Variants in CAMTA1 observed in about 807,000 individuals in gnomAD.
CAMTA1 encodes the protein calmodulin-binding transcription activator 1.
In CAMTA1, 27 loss-of-function variants were observed where a neutral mutation model predicts 170.9. The ratio of observed to expected loss-of-function variants is 0.16; its 90% CI spans 0.12 to 0.22. The LOEUF (loss-of-function observed/expected upper bound fraction) is 0.22, where lower values mean the gene tolerates loss of function less well. CAMTA1 is among the 10% of genes least tolerant of loss of function. CAMTA1 has a pLI of 1.00. For missense variants in CAMTA1, 1,619 were observed against 2,217.2 expected (o/e 0.73, Z 5.42); for synonymous variants, 833 against 891.5 (o/e 0.93, Z 1.17).
In CAMTA1 at chr1:7,007,717, T is replaced by C. The variant is rs1699210166; in HGVS notation, c.235-83587T>C. 6.6e-6 allele frequency among the ~76,000 whole-genome samples: 1 copy of C among 152,052 alleles called. No individual in the cohort carries two copies. Among genetic ancestry groups the C allele is most frequent in the Non-Finnish European group, 1.5e-5 (1 of 68,004 alleles). ...GACCCCCTGTGGGGCTCCCGGGGCG[T>C]CGCTTCTGCCTCTTCCAGTGCTTTC... On this transcript the variant is annotated intron_variant, in intron 3 of 22. Coordinates refer to ENST00000303635, the MANE Select transcript of CAMTA1 (RefSeq NM_015215.4). This position sits in a 1 kb window ranked among gnomAD's most constrained non-coding sequence, Gnocchi z 4.5.
At chr1:7,636,709 C>CA (rs34844874) in intron 6 of CAMTA1, among the ~76,000 whole-genome samples, 179 of 138,172 alleles carry the variant, frequency 1.3e-3, no homozygotes, top group East Asian at 2.1e-3. Context: ...AACTCCATCT[C>CA]AAAAAAAAAA....
chr1:7,486,253 T>A (rs1360945071), intron 6 of CAMTA1, among the ~76,000 whole-genome samples: 1 of 152,194 alleles, frequency 6.6e-6, no homozygotes, highest in Non-Finnish European at 1.5e-5. Flanking sequence ...TTCTGATTGG[T>A]AACGTTTGCC....
In CAMTA1 at chr1:7,634,693, C is replaced by T. The variant is rs1157714036; in HGVS notation, c.511-5707C>T. 6.6e-6 allele frequency among the ~76,000 whole-genome samples: 1 copy of T among 152,056 alleles called. No homozygotes were observed. On this transcript the variant is annotated intron_variant, in intron 6 of 22. Transcript: ENST00000303635. The surrounding 1 kb of genome is among the most constrained non-coding windows in gnomAD (Gnocchi z 6.2). ...GAGAGCTGGGACAGGCTGGGGCTGC[C>T]GGAGGAGGAAGGGGGCTCTAAGCAG...
chr1:6,845,141 C>T (rs187580552), intron 3 of CAMTA1, among the ~76,000 whole-genome samples: 12 of 152,192 alleles, frequency 7.9e-5, no homozygotes, highest in Admixed American at 1.3e-4. Flanking sequence ...GCTGCTAGAA[C>T]GGGACCACAA....
intron 5 of CAMTA1, among the ~76,000 whole-genome samples, chr1:7,373,461 A>T (rs1247337539): frequency 6.6e-6 from 1 of 152,130 alleles, no homozygotes; most frequent in Non-Finnish European, 1.5e-5. Flanking sequence ...GCTCCACCTC[A>T]GTCCACCGCC....
chr1:7,235,087 A>C (rs1207775683), intron 4 of CAMTA1, among the ~76,000 whole-genome samples: 2 of 151,990 alleles, frequency 1.3e-5, no homozygotes, highest in African/African-American at 4.8e-5. Flanking sequence ...ATGCCCAGCC[A>C]AAAATACAAA....
At chr1:6,790,795 C>T (rs1380943564) in intron 1 of CAMTA1, among the ~76,000 whole-genome samples, 1 of 151,910 alleles carries the variant, frequency 6.6e-6, no homozygotes, top group Admixed American at 6.6e-5. Context: ...TGTAAATTGC[C>T]TCAAATTCTT....
At chr1:7,606,375 ACACTCC>A (rs2095486813) in intron 6 of CAMTA1, among the ~76,000 whole-genome samples, 1 of 152,162 alleles carries the variant, frequency 6.6e-6, no homozygotes, top group Non-Finnish European at 1.5e-5. Context: ...GCAATGTGTG[ACACTCC>A]CTCTAGAGGC....
At chr1:7,310,678 TTC>T (rs70984069) in intron 5 of CAMTA1, among the ~76,000 whole-genome samples, 352 of 34,632 alleles carry the variant, frequency 0.01, 45 homozygotes, top group African/African-American at 0.045. Context: ...TTTCCTTTCT[TTC>T]TCTCTCTCTC....
At chr1:7,061,152 CTG>C (rs141824977) in intron 3 of CAMTA1, among the ~76,000 whole-genome samples, 3,451 of 152,292 alleles carry the variant, frequency 0.023, 58 homozygotes, top group Middle Eastern at 0.061. Context: ...TCCTCGGTCT[CTG>C]TATTTTGTCT....
intron 3 of CAMTA1, among the ~76,000 whole-genome samples, chr1:7,002,453 T>C (rs1698361994): frequency 6.6e-6 from 1 of 152,212 alleles, no homozygotes; most frequent in Non-Finnish European, 1.5e-5. Context: ...CATAAACCCA[T>C]TGAGGTCTGT....
intron 4 of CAMTA1, among the ~76,000 whole-genome samples, chr1:7,125,127 T>G (rs1418055214): frequency 6.6e-6 from 1 of 151,636 alleles, no homozygotes; most frequent in East Asian, 2.0e-4. Context: ...AAGCAACGCC[T>G]CTGCATCTAC....
chr1:7,574,425 C>T (rs923328658), intron 6 of CAMTA1, among the ~76,000 whole-genome samples: 15 of 152,294 alleles, frequency 9.8e-5, no homozygotes, highest in East Asian at 3.9e-4. Context: ...CGTGGCACCT[C>T]GTTTGCACAG....
Position 7,597,013 on chromosome 1 carries a change from T to C in CAMTA1, c.511-43387T>C, listed in dbSNP as rs550516103. Among the ~76,000 whole-genome samples, 148 of 152,296 alleles carry C rather than the reference T, an allele frequency of 9.7e-4. 1 individual carries two copies. Among genetic ancestry groups the C allele is most frequent in the African/African-American group, 3.3e-3 (137 of 41,562 alleles). Reference sequence around the variant, plus strand: ...ACCAGTGTCTCCACCTGTAATCCCCTTGTGGCCCCAGGCCTTGGACATTGT... The same window carrying C: ...ACCAGTGTCTCCACCTGTAATCCCCCTGTGGCCCCAGGCCTTGGACATTGT... On this transcript the variant is annotated intron_variant, in intron 6 of 22. Coordinates refer to ENST00000303635, the MANE Select transcript of CAMTA1 (RefSeq NM_015215.4).
intron 4 of CAMTA1, among the ~76,000 whole-genome samples, chr1:7,094,699 C>A (rs1007994143): frequency 1.3e-5 from 2 of 152,126 alleles, no homozygotes; most frequent in Non-Finnish European, 2.9e-5. Context: ...AGGTGTGCTA[C>A]ACGGAGGCTC....
intron 1 of CAMTA1, among the ~76,000 whole-genome samples, chr1:6,813,016 C>G (rs1557607061): frequency 6.6e-6 from 1 of 152,212 alleles, no homozygotes; most frequent in African/African-American, 2.4e-5. Context: ...AGTCGGCTAC[C>G]TACCAGACTT....
Position 7,293,446 on chromosome 1 carries a change from G to A in CAMTA1, c.438+43820G>A, listed in dbSNP as rs374977845. Among the ~76,000 whole-genome samples, 4 of 152,320 alleles carry A rather than the reference G, an allele frequency of 2.6e-5. No homozygotes were observed. Among genetic ancestry groups the A allele is most frequent in the Admixed American group, 6.5e-5 (1 of 15,308 alleles). On this transcript the variant is annotated intron_variant, in intron 5 of 22. Transcript: ENST00000303635. This position sits in a 1 kb window ranked among gnomAD's most constrained non-coding sequence, Gnocchi z 4.1. ...GAAGACAGAAGAGTCACAATGAGCC[G>A]ATTTATAGAGTACATGGGGTGTTGT...
intron 5 of CAMTA1, among the ~76,000 whole-genome samples, chr1:7,277,241 A>G (rs1670849502): frequency 6.6e-6 from 1 of 152,206 alleles, no homozygotes. Flanking sequence ...TAGCATAAGA[A>G]TGACCAAGAA....
At position 7,562,343 on chromosome 1, in the gene CAMTA1, T is replaced by C. The variant is rs1004096117; in HGVS notation, c.511-78057T>C. On this transcript the variant is annotated intron_variant, in intron 6 of 22. Coordinates refer to ENST00000303635, the MANE Select transcript of CAMTA1 (RefSeq NM_015215.4). This position sits in a 1 kb window ranked among gnomAD's most constrained non-coding sequence, Gnocchi z 4.8. ...GTTTAATTCGGTGCTTCCTGCATCG[T>C]TGGGCAGTGTAACTCAGTTGGGTAT... 7.2e-5 allele frequency among the ~76,000 whole-genome samples: 11 copies of C among 152,234 alleles called. No homozygotes were observed. Among genetic ancestry groups the C allele is most frequent in the Non-Finnish European group, 7.3e-5 (5 of 68,038 alleles).
Sources: gnomAD v4.1 joint callset for allele counts (sites outside exome capture counted in the v4.1 genomes callset) on GRCh38, gnomAD v4.1.1 for gene constraint, Gnocchi (gnomAD v3.1) non-coding constraint, MANE v1.5 for transcripts, NCBI Gene and HGNC (gene_info 2026-07-23, HGNC 2026-07-21) for gene names.